SEMA3C: variants seen among roughly 807,000 people sequenced by gnomAD.
SEMA3C encodes the protein semaphorin-3C.
Under a neutral mutation model 89.4 loss-of-function variants are expected in SEMA3C, and 47 were observed. The ratio of observed to expected loss-of-function variants is 0.53; its 90% CI spans 0.42 to 0.67. The LOEUF (loss-of-function observed/expected upper bound fraction) is 0.67. Among genes scored for constraint, SEMA3C ranks in the 30% least tolerant of loss-of-function variants. The pLI is 0.00. For missense variants in SEMA3C, 839 were observed against 929.1 expected (o/e 0.90, Z 1.26); for synonymous variants, 310 against 320.2 (o/e 0.97, Z 0.34).
At chr7:80,773,115 C>G (rs1788470987) in intron 12 of SEMA3C, among the ~76,000 whole-genome samples, 1 of 152,050 alleles carries the variant, frequency 6.6e-6, no homozygotes, top group Admixed American at 6.5e-5. Flanking sequence ...AAAGAGAAAG[C>G]TAACAAATTA....
At chr7:80,769,477 T>C (rs1456304846) in intron 12 of SEMA3C, among the ~76,000 whole-genome samples, 2 of 152,278 alleles carry the variant, frequency 1.3e-5, no homozygotes, top group Non-Finnish European at 1.5e-5. Context: ...GAAATCCCCA[T>C]TTTCTGACAA....
intron 12 of SEMA3C, among the ~76,000 whole-genome samples, chr7:80,770,664 C>A (rs1788410368): frequency 6.6e-6 from 1 of 152,236 alleles, no homozygotes; most frequent in Non-Finnish European, 1.5e-5. Flanking sequence ...CATTTTCAGT[C>A]TACCTGGTTA....
intron 11 of SEMA3C, 78 bp from the exon 12 acceptor site, chr7:80,789,606 T>C: frequency 1.0e-6 from 1 of 1,002,900 alleles, no homozygotes; most frequent in Non-Finnish European, 1.5e-6. Context: ...TCTCTACTTT[T>C]GAAATCACTT....
chr7:80,833,825 T>C (rs941946365), intron 2 of SEMA3C, among the ~76,000 whole-genome samples: 3 of 152,108 alleles, frequency 2.0e-5, no homozygotes, highest in African/African-American at 7.2e-5. Flanking sequence ...ATTTTATTTA[T>C]AAAAAGAATG....
chr7:80,809,453 C>A (rs1212270046), intron 6 of SEMA3C, among the ~76,000 whole-genome samples: 1 of 152,140 alleles, frequency 6.6e-6, no homozygotes, highest in Admixed American at 6.5e-5. Context: ...AGAGGAAATG[C>A]TGGATCATAT....
intron 11 of SEMA3C, among the ~76,000 whole-genome samples, chr7:80,795,246 G>C (rs1314390253): frequency 6.6e-6 from 1 of 152,192 alleles, no homozygotes; most frequent in Admixed American, 6.5e-5. Flanking sequence ...TTGAGTCAGA[G>C]AGCTGACTTC....
intron 15 of SEMA3C, among the ~76,000 whole-genome samples, chr7:80,752,750 A>G (rs1787966032): frequency 6.6e-6 from 1 of 152,162 alleles, no homozygotes; most frequent in African/African-American, 2.4e-5. Flanking sequence ...TATGTAGTCT[A>G]AGAAGTCGAC....
chr7:80,797,835 T>TA lies in SEMA3C; in HGVS notation c.1131+256dup, dbSNP rs578071940. Among the ~76,000 whole-genome samples, 164 of 152,186 alleles carry TA rather than the reference T, an allele frequency of 1.1e-3. 2 individuals are homozygous for TA. Among genetic ancestry groups the TA allele is most frequent in the Middle Eastern group, 6.8e-3 (2 of 294 alleles). On this transcript the variant is annotated intron_variant, in intron 11 of 17. Transcript: ENST00000265361. ...CAACATGGTGAAACCCTGTCTCTAC[T>TA]AAAAACACAAAAATTAGCCGGGCAT...
intron 1 of SEMA3C, among the ~76,000 whole-genome samples, chr7:80,918,047 A>G (rs1411543727): frequency 2.6e-5 from 4 of 152,138 alleles, no homozygotes; most frequent in African/African-American, 9.7e-5. Flanking sequence ...GAAACTCTAG[A>G]GATGTTTGTG....
intron 6 of SEMA3C, among the ~76,000 whole-genome samples, chr7:80,806,522 G>C (rs193027337): frequency 6.6e-6 from 1 of 152,108 alleles, no homozygotes; most frequent in East Asian, 1.9e-4. Flanking sequence ...AATACGATAA[G>C]AAAGAAAAGA....
At chr7:80,904,550 T>C (rs1335017112) in intron 2 of SEMA3C, among the ~76,000 whole-genome samples, 2 of 152,224 alleles carry the variant, frequency 1.3e-5, no homozygotes, top group Non-Finnish European at 2.9e-5. Flanking sequence ...ATGATTTACC[T>C]GGCTTTGAGA....
chr7:80,777,100 TTAAAG>T lies in SEMA3C; in HGVS notation c.1355-11862_1355-11858del, dbSNP rs569361782. Among the ~76,000 whole-genome samples the T allele has an allele frequency of 3.0e-3, 459 of 152,272 alleles. 3 individuals carry two copies. The highest frequency in any genetic ancestry group is 0.011 in the African/African-American group (439 of 41,548). On this transcript the variant is annotated intron_variant, in intron 12 of 17. Transcript: ENST00000265361. ...ATACATATTTTATCTCATTTGGTCTTTAAAGTAAATCTATAAAGTCTACTTTAAAA... is the reference window on the plus strand; with the variant it reads ...ATACATATTTTATCTCATTTGGTCTTTAAATCTATAAAGTCTACTTTAAAA...
chr7:80,789,053 T>C (rs534281289), intron 12 of SEMA3C, among the ~76,000 whole-genome samples: 48 of 152,150 alleles, frequency 3.2e-4, no homozygotes, highest in African/African-American at 1.1e-3. Context: ...CATATAGCCC[T>C]ACCTACATAT....
chr7:80,782,894 T>A (rs558456703), intron 12 of SEMA3C, among the ~76,000 whole-genome samples: 1 of 152,304 alleles, frequency 6.6e-6, no homozygotes, highest in East Asian at 1.9e-4. Flanking sequence ...TGCAGATAAA[T>A]TTAATTAGCA....
chr7:80,873,400 G>A (rs1791119531), intron 2 of SEMA3C, among the ~76,000 whole-genome samples: 1 of 152,178 alleles, frequency 6.6e-6, no homozygotes, highest in African/African-American at 2.4e-5. Context: ...CAATGATGAT[G>A]ATGATGACAA....
At chr7:80,873,875 A>G (rs1259397560) in intron 2 of SEMA3C, among the ~76,000 whole-genome samples, 1 of 152,154 alleles carries the variant, frequency 6.6e-6, no homozygotes, top group Non-Finnish European at 1.5e-5. Context: ...TAGGATGTTC[A>G]CTGTGCTCTG....
chr7:80,789,198 T>A, intron 12 of SEMA3C, 108 bp downstream of exon 12: 1 of 837,774 alleles, frequency 1.2e-6, no homozygotes, highest in Non-Finnish European at 1.9e-6. Context: ...TAGACAGACG[T>A]AATTATTGGA....
At chr7:80,775,605 G>A (rs1788530783) in intron 12 of SEMA3C, among the ~76,000 whole-genome samples, 1 of 151,724 alleles carries the variant, frequency 6.6e-6, no homozygotes, top group Admixed American at 6.6e-5. Flanking sequence ...AATTTCTTTG[G>A]TGGCAAAATC....
In SEMA3C at chr7:80,853,891, T is replaced by G. The variant is rs1234151321; in HGVS notation, c.104-25146A>C. Among the ~76,000 whole-genome samples, 9 of 148,060 alleles carry G rather than the reference T, an allele frequency of 6.1e-5. No individual in the cohort carries two copies. In the Admixed American group the frequency reaches 6.1e-4, roughly 10 times the overall value. ...CAAAATATCTTATGTACCCCATATA[T>G]ATGTGTGTGTGTGTGTGTGTGTGTG... On this transcript the variant is annotated intron_variant, in intron 2 of 17. Transcript: ENST00000265361.
Sources: allele counts gnomAD v4.1 joint callset (sites outside exome capture counted in the v4.1 genomes callset), GRCh38; gene constraint gnomAD v4.1.1; transcripts MANE v1.5; gene names NCBI Gene and HGNC (gene_info 2026-07-23, HGNC 2026-07-21).